The following FUT8 variants were observed in gnomAD, a reference collection of about 807,000 sequenced individuals.
The protein encoded by FUT8 is fucosyltransferase 8.
Under a neutral mutation model 71.3 loss-of-function variants are expected in FUT8, and 29 were observed. That is an observed-to-expected ratio of 0.41 (90% CI 0.30 to 0.55). FUT8 has a LOEUF of 0.55. Among genes scored for constraint, FUT8 ranks in the 20% least tolerant of loss-of-function variants. The pLI, the probability that FUT8 is intolerant of heterozygous loss-of-function variation, is 0.34. For missense variants in FUT8, 544 were observed against 702.1 expected, an observed-to-expected ratio of 0.77 and a Z score of 2.55; for synonymous variants, 254 against 239.3, an observed-to-expected ratio of 1.06 and a Z score of -0.57.
At chr14:65,661,290 G>A (rs1891950540) in intron 6 of FUT8, among the ~76,000 whole-genome samples, 1 of 151,132 alleles carries the variant, frequency 6.6e-6, no homozygotes. Context: ...TAAGGGCAGT[G>A]GACAGTGGAT....
chr14:65,545,661 A>G lies in FUT8; in HGVS notation c.-227-15676A>G, dbSNP rs1386716954. Among the ~76,000 whole-genome samples the G allele has an allele frequency of 3.3e-5, 5 of 151,796 alleles. 1 individual carries two copies. In the South Asian group the frequency reaches 1.0e-3, roughly 31 times the overall value. ...ACTCTTTTCAGTTGTTAAAAAAGTA[A>G]ATTGATAACTCTTATAACTGCAGTG... is the stretch of plus-strand genomic sequence containing the variant. On this transcript the variant is annotated intron_variant, in intron 2 of 10. Transcript: ENST00000673929.
rs869168766 is a variant in FUT8, at chr14:65,650,298, C to CAAAAAAA, written c.598-18922_598-18916dup. On this transcript the variant is annotated intron_variant, in intron 6 of 10. Coordinates refer to ENST00000673929, the MANE Select transcript of FUT8 (RefSeq NM_001371533.1). ...TGGGTGACAGAGTGAGACTCTGTCT[C>CAAAAAAA]AAAAAAAAAAAAAAAAAAAAAAAAA... Among the ~76,000 whole-genome samples the CAAAAAAA allele has an allele frequency of 8.8e-4, 35 of 39,694 alleles. 6 individuals are homozygous for CAAAAAAA. Among genetic ancestry groups the CAAAAAAA allele is most frequent in the African/African-American group, 4.4e-3 (34 of 7,784 alleles). The allele number at this position is 39,694 out of a possible 152,430, so 26.0% of individuals were successfully genotyped here. A position where few individuals can be genotyped will look rare whatever the true frequency, so the allele number is the denominator to read the frequency against.
At chr14:65,692,768 G>A (rs938856774) in intron 7 of FUT8, among the ~76,000 whole-genome samples, 1 of 151,152 alleles carries the variant, frequency 6.6e-6, no homozygotes, top group Admixed American at 6.6e-5. Flanking sequence ...TTGCCGGGCA[G>A]AGGGTCTCCT....
chr14:65,684,659 G>T (rs2140416987), intron 7 of FUT8, among the ~76,000 whole-genome samples: 1 of 152,244 alleles, frequency 6.6e-6, no homozygotes, highest in Middle Eastern at 3.4e-3. Flanking sequence ...CTGATGGAAG[G>T]TGATTGAATC....
At chr14:65,383,170 C>T in the FUT8 span, among the ~76,000 whole-genome samples, 3 of 152,012 alleles carry the variant, frequency 2.0e-5, no homozygotes, top group Non-Finnish European at 4.4e-5. Context: ...CTATTCATTC[C>T]ATCTTTCACA....
chr14:65,714,553 G>T (rs1894960024), intron 7 of FUT8, among the ~76,000 whole-genome samples: 1 of 151,848 alleles, frequency 6.6e-6, no homozygotes, highest in Non-Finnish European at 1.5e-5. Flanking sequence ...AAAGTGTTAG[G>T]ATTATAGGCA....
chr14:65,724,447 C>T (rs1895579615), intron 9 of FUT8, 124 bp downstream of exon 9: 1 of 617,688 alleles, frequency 1.6e-6, no homozygotes, highest in East Asian at 2.9e-5. Context: ...TTTAAAAATT[C>T]AATGGACTAT....
intron 7 of FUT8, among the ~76,000 whole-genome samples, chr14:65,703,295 A>G (rs1894402013): frequency 6.6e-6 from 1 of 152,118 alleles, no homozygotes; most frequent in Admixed American, 6.5e-5. Flanking sequence ...TGCTACATGT[A>G]TCTTCTTCCC....
intron 3 of FUT8, among the ~76,000 whole-genome samples, chr14:65,601,060 C>T (rs953353594): frequency 6.6e-6 from 1 of 152,148 alleles, no homozygotes; most frequent in South Asian, 2.1e-4. Context: ...AATTTAGATA[C>T]AGATTATCAT....
chr14:65,516,452 T>C (rs939481961), intron 2 of FUT8: 1 of 152,102 alleles, frequency 6.6e-6, no homozygotes, highest in Non-Finnish European at 1.5e-5. Flanking sequence ...TTTAAGTGTT[T>C]GTGTTATAGG....
intron 2 of FUT8, among the ~76,000 whole-genome samples, chr14:65,553,791 AT>A (rs922969391): frequency 6.3e-5 from 9 of 142,790 alleles, no homozygotes; most frequent in East Asian, 2.1e-4. Context: ...GTGTGTTCTC[AT>A]TTTTTTTTCT....
At chr14:65,368,877 C>G in the FUT8 span, among the ~76,000 whole-genome samples, 3 of 152,124 alleles carry the variant, frequency 2.0e-5, no homozygotes, top group African/African-American at 7.2e-5. Flanking sequence ...AGGCTAGTCT[C>G]GAACTCCTGA....
At chr14:65,414,593 T>C (rs1387799594) in intron 1 of FUT8, among the ~76,000 whole-genome samples, 7 of 152,196 alleles carry the variant, frequency 4.6e-5, no homozygotes, top group Non-Finnish European at 1.0e-4. Flanking sequence ...TACAGTAGTA[T>C]TGAAAAGGTG....
chr14:65,384,921 C>T, the FUT8 span, among the ~76,000 whole-genome samples: 697 of 145,680 alleles, frequency 4.8e-3, 4 homozygotes, highest in Middle Eastern at 0.014. This position sits in a 1 kb window ranked among gnomAD's most constrained non-coding sequence, Gnocchi z 4.2. Context: ...GACAGAGTTT[C>T]GCTCTTGTTG....
intron 2 of FUT8, among the ~76,000 whole-genome samples, chr14:65,535,618 A>G (rs970108462): frequency 6.6e-6 from 1 of 152,070 alleles, no homozygotes; most frequent in Admixed American, 6.5e-5. Flanking sequence ...CCCAACTTCT[A>G]TTTTTATTAT....
At chr14:65,727,731 G>T (rs893457467) in intron 9 of FUT8, among the ~76,000 whole-genome samples, 5 of 152,132 alleles carry the variant, frequency 3.3e-5, no homozygotes, top group Non-Finnish European at 7.3e-5. Context: ...TCTGCAGCTG[G>T]CTTGAATTTC....
At chr14:65,403,657 A>G in the FUT8 span, among the ~76,000 whole-genome samples, 1 of 152,050 alleles carries the variant, frequency 6.6e-6, no homozygotes, top group African/African-American at 2.4e-5. Context: ...GCCTCTGAAA[A>G]GCTGAACATT....
chr14:65,687,857 C>T (rs138175329), intron 7 of FUT8, among the ~76,000 whole-genome samples: 15 of 151,858 alleles, frequency 9.9e-5, no homozygotes, highest in Non-Finnish European at 1.9e-4. Context: ...CCTCAACCAC[C>T]GAGTAGCTGG....
the FUT8 span, among the ~76,000 whole-genome samples, chr14:65,402,622 C>T: frequency 2.3e-4 from 35 of 152,060 alleles, no homozygotes; most frequent in Admixed American, 2.1e-3. Flanking sequence ...GCCGAGATCG[C>T]GCCACTGCAC....
Sources: allele counts gnomAD v4.1 joint callset (sites outside exome capture counted in the v4.1 genomes callset), GRCh38; gene constraint gnomAD v4.1.1; non-coding constraint Gnocchi (gnomAD v3.1); transcripts MANE v1.5; gene names NCBI Gene and HGNC (gene_info 2026-07-23, HGNC 2026-07-21).